Variants in SERGEF observed in about 807,000 individuals in gnomAD.
The protein encoded by SERGEF is secretion regulating guanine nucleotide exchange factor.
SERGEF carries 51 observed loss-of-function variants against 50.0 expected under a neutral mutation model. The ratio of observed to expected loss-of-function variants is 1.02; its 90% CI spans 0.81 to 1.29. The LOEUF is 1.29. Ranked by LOEUF, SERGEF falls within the 50% of genes most tolerant of loss-of-function variation. The pLI, the probability that SERGEF is intolerant of heterozygous loss-of-function variation, is 0.00. For missense variants in SERGEF, 521 were observed against 557.0 expected, an observed-to-expected ratio of 0.94 and a Z score of 0.65; for synonymous variants, 205 against 212.4, an observed-to-expected ratio of 0.97 and a Z score of 0.30.
rs189666881 is a variant in SERGEF, at chr11:17,941,292, G to A, written c.1011+18178C>T. 2.8e-4 allele frequency among the ~76,000 whole-genome samples: 42 copies of A among 152,082 alleles called. No individual in the cohort carries two copies. In the South Asian group the frequency reaches 5.0e-3, roughly 18 times the overall value. On this transcript the variant is annotated intron_variant, in intron 9 of 10. Coordinates refer to ENST00000265965, the MANE Select transcript of SERGEF (RefSeq NM_012139.4). ...CAGTTCAGTGGTGTGAAGTATATTC[G>A]CATTGTTCTACAACCATCACCACCA...
chr11:17,906,182 G>A (rs933740990), intron 9 of SERGEF, among the ~76,000 whole-genome samples: 1 of 152,146 alleles, frequency 6.6e-6, no homozygotes, highest in African/African-American at 2.4e-5. Flanking sequence ...GGCACGGGGA[G>A]GGGTGGGCTG....
At chr11:17,922,974 G>A (rs1462873972) in intron 9 of SERGEF, among the ~76,000 whole-genome samples, 1 of 152,130 alleles carries the variant, frequency 6.6e-6, no homozygotes, top group African/African-American at 2.4e-5. Context: ...ACTTCCACCT[G>A]GAGGTTACCC....
intron 10 of SERGEF, among the ~76,000 whole-genome samples, chr11:17,810,977 G>C (rs761646148): frequency 6.6e-6 from 1 of 152,178 alleles, no homozygotes; most frequent in Admixed American, 6.5e-5. Context: ...TTCTAGCCCG[G>C]AGCCTCTTGG....
intron 10 of SERGEF, among the ~76,000 whole-genome samples, chr11:17,823,547 A>T (rs1850121672): frequency 2.0e-5 from 3 of 152,152 alleles, no homozygotes; most frequent in Admixed American, 2.0e-4. Flanking sequence ...AAGTGCAGGC[A>T]TATCTGGGGA....
At chr11:17,850,087 AAGG>A (rs1294146975) in intron 10 of SERGEF, among the ~76,000 whole-genome samples, 1 of 152,164 alleles carries the variant, frequency 6.6e-6, no homozygotes, top group South Asian at 2.1e-4. Context: ...GGACAGGTGG[AAGG>A]AGAAGAGAAC....
At chr11:18,008,159 C>A in intron 1 of SERGEF, 83 bp from the exon 2 acceptor site, 1 of 1,395,396 alleles carries the variant, frequency 7.2e-7, no homozygotes, top group Non-Finnish European at 9.9e-7. Flanking sequence ...CTCTCTCACC[C>A]TGACGTATCT....
chr11:18,000,719 A>G (rs888510960), intron 4 of SERGEF, 162 bp from the exon 5 acceptor site: 2 of 712,368 alleles, frequency 2.8e-6, no homozygotes, highest in Non-Finnish European at 5.2e-6. Flanking sequence ...CTCTACATTT[A>G]TCCCTAAAAG....
intron 9 of SERGEF, among the ~76,000 whole-genome samples, chr11:17,889,829 C>A (rs916107710): frequency 6.6e-6 from 1 of 151,936 alleles, no homozygotes; most frequent in Non-Finnish European, 1.5e-5. Context: ...AGTTTGAAAT[C>A]ATTTCAAAAT....
intron 8 of SERGEF, among the ~76,000 whole-genome samples, chr11:17,968,154 C>T (rs1853166428): frequency 6.6e-6 from 1 of 152,218 alleles, no homozygotes; most frequent in African/African-American, 2.4e-5. Flanking sequence ...GCACCTAACA[C>T]AGAGCCTGAC....
In SERGEF at chr11:17,998,440, CATATATATATATAT is replaced by C. The variant is rs60861006; in HGVS notation, c.508+2043_508+2056del. Among the ~76,000 whole-genome samples the C allele has an allele frequency of 8.8e-3, 297 of 33,732 alleles. 3 individuals are homozygous for C. The highest frequency in any genetic ancestry group is 0.024 in the South Asian group (18 of 746). The allele number at this position is 33,732 out of a possible 152,430, so 22.1% of individuals were successfully genotyped here. ...TTAAAAATACATACATACATACATA[CATATATATATATAT>C]ATATATATATATATATATATATATA... On this transcript the variant is annotated intron_variant, in intron 5 of 10. Coordinates refer to ENST00000265965, the MANE Select transcript of SERGEF (RefSeq NM_012139.4).
At chr11:17,980,933 C>T (rs1853483985) in intron 8 of SERGEF, among the ~76,000 whole-genome samples, 2 of 152,156 alleles carry the variant, frequency 1.3e-5, no homozygotes, top group South Asian at 4.2e-4. Context: ...AACGTATTGG[C>T]CAGATGGAAG....
At chr11:17,946,935 T>G (rs1590212428) in intron 9 of SERGEF, among the ~76,000 whole-genome samples, 1 of 152,164 alleles carries the variant, frequency 6.6e-6, no homozygotes, top group Admixed American at 6.5e-5. Flanking sequence ...CCCCCAAGGC[T>G]TCTCCAAGTG....
intron 10 of SERGEF, chr11:17,854,141 C>T (rs902113642): frequency 6.6e-6 from 1 of 151,692 alleles, no homozygotes; most frequent in Non-Finnish European, 1.5e-5. Context: ...GCTATCACAA[C>T]ACCATACCCT....
chr11:17,970,007 G>C (rs1853213784), intron 8 of SERGEF, among the ~76,000 whole-genome samples: 1 of 152,240 alleles, frequency 6.6e-6, no homozygotes, highest in Non-Finnish European at 1.5e-5. Flanking sequence ...TAGTGAGTTA[G>C]AAGTAAGACT....
intron 10 of SERGEF, among the ~76,000 whole-genome samples, chr11:17,842,730 C>T (rs1850527719): frequency 6.6e-6 from 1 of 152,198 alleles, no homozygotes; most frequent in Admixed American, 6.5e-5. Flanking sequence ...TAAAGGGTGG[C>T]TGTTATTTCT....
chr11:17,914,405 T>C (rs1852009856), intron 9 of SERGEF, among the ~76,000 whole-genome samples: 1 of 145,228 alleles, frequency 6.9e-6, no homozygotes, highest in East Asian at 2.1e-4. Context: ...ATTTTTAATG[T>C]TTTTATTTTT....
chr11:17,950,908 T>G (rs1852761687), intron 9 of SERGEF, among the ~76,000 whole-genome samples: 1 of 152,214 alleles, frequency 6.6e-6, no homozygotes, highest in South Asian at 2.1e-4. Flanking sequence ...TAGTAACATA[T>G]GAGGTCACTA....
In SERGEF at chr11:17,859,407, G is replaced by A. The variant is rs1224178004; in HGVS notation, c.1048+18801C>T. 5.9e-5 allele frequency among the ~76,000 whole-genome samples: 9 copies of A among 152,024 alleles called. No individual in the cohort carries two copies. In the South Asian group the frequency reaches 1.9e-3, roughly 32 times the overall value. On this transcript the variant is annotated intron_variant, in intron 10 of 10. Transcript: ENST00000265965. Reference sequence around the variant, plus strand: ...ATTTTCTCACAAAGTGGTAAGAAAAGTAAAAACATGCCCAAGAGGAAAGAA... The same window carrying A: ...ATTTTCTCACAAAGTGGTAAGAAAAATAAAAACATGCCCAAGAGGAAAGAA...
chr11:17,871,192 A>G (rs1399133637), intron 10 of SERGEF, among the ~76,000 whole-genome samples: 2 of 152,204 alleles, frequency 1.3e-5, no homozygotes, highest in South Asian at 4.1e-4. Context: ...ATTAAAATAA[A>G]TAACTATTCA....
Sources: allele counts gnomAD v4.1 joint callset (sites outside exome capture counted in the v4.1 genomes callset), GRCh38; gene constraint gnomAD v4.1.1; transcripts MANE v1.5; gene names NCBI Gene and HGNC (gene_info 2026-07-23, HGNC 2026-07-21).